PCDHA7: variants seen among roughly 807,000 people sequenced by gnomAD.
PCDHA7 encodes the protein protocadherin alpha-7.
Under a neutral mutation model 57.2 loss-of-function variants are expected in PCDHA7, and 37 were observed. The ratio of observed to expected loss-of-function variants is 0.65; its 90% CI spans 0.50 to 0.85. The LOEUF is 0.85. PCDHA7 is among the 40% of genes least tolerant of loss of function. The pLI is 0.00. For synonymous variants in PCDHA7, 553 were observed against 558.8 expected, an observed-to-expected ratio of 0.99 and a Z score of 0.15; for missense variants, 1,188 against 1,241.8, an observed-to-expected ratio of 0.96 and a Z score of 0.65.
At chr5:140,902,324 C>A (rs1554190388) in intron 1 of PCDHA7, among the ~76,000 whole-genome samples, 1 of 151,472 alleles carries the variant, frequency 6.6e-6, no homozygotes, top group Non-Finnish European at 1.5e-5. Context: ...AGGTGTAACT[C>A]ACTTCGCCTG....
intron 1 of PCDHA7, chr5:140,883,930 C>A: frequency 2.5e-6 from 4 of 1,613,066 alleles, no homozygotes; most frequent in Non-Finnish European, 3.4e-6. Flanking sequence ...TGCAGGTGTT[C>A]GTGCTGGACG....
intron 1 of PCDHA7, among the ~76,000 whole-genome samples, chr5:140,910,560 G>A (rs1369178001): frequency 6.6e-6 from 1 of 152,160 alleles, no homozygotes; most frequent in East Asian, 1.9e-4. Flanking sequence ...ATTAGTCAAG[G>A]ATATATTTTC....
chr5:140,864,460 T>C (rs2048484111), intron 1 of PCDHA7: 1 of 152,246 alleles, frequency 6.6e-6, no homozygotes, highest in African/African-American at 2.4e-5. Flanking sequence ...AATATCCATC[T>C]TTTTTGAGAT....
chr5:140,871,140 C>A, intron 1 of PCDHA7: 1 of 1,613,454 alleles, frequency 6.2e-7, no homozygotes, highest in Non-Finnish European at 8.5e-7. Context: ...AGGCCTCTTC[C>A]CGGACTTTGG....
rs2150471701 is a variant in PCDHA7, at chr5:140,850,183, C to T, written c.2355+13445C>T. On this transcript the variant is annotated intron_variant, in intron 1 of 3. Transcript: ENST00000525929. ...GTGCTGGACGAGAACGACAATGCGC[C>T]GGCGCTGCTGACACCTCGGATGAGG... The T allele has an allele frequency of 1.9e-6, 3 of 1,593,774 alleles. 1 individual carries two copies. Among genetic ancestry groups the T allele is most frequent in the Non-Finnish European group, 1.7e-6 (2 of 1,167,724 alleles).
intron 1 of PCDHA7, among the ~76,000 whole-genome samples, chr5:140,872,191 T>A (rs1168972133): frequency 1.3e-5 from 2 of 152,162 alleles, no homozygotes; most frequent in Non-Finnish European, 1.5e-5. Flanking sequence ...GTGTTAAACG[T>A]TCATCATAAA....
At chr5:140,967,942 A>G in intron 1 of PCDHA7, 1 of 1,614,226 alleles carries the variant, frequency 6.2e-7, no homozygotes, top group Non-Finnish European at 8.5e-7. Context: ...TCAATGACCA[A>G]GACTCAGGCC....
intron 1 of PCDHA7, among the ~76,000 whole-genome samples, chr5:140,935,364 G>A (rs1480423579): frequency 2.0e-5 from 3 of 152,008 alleles, no homozygotes; most frequent in African/African-American, 4.8e-5. Flanking sequence ...TTTCATTAAC[G>A]TCAACAGAAT....
Position 140,974,586 on chromosome 5 carries a change from A to G in PCDHA7, c.2356-4363A>G, listed in dbSNP as rs150396044. Among the ~76,000 whole-genome samples, 599 of 152,220 alleles carry G rather than the reference A, an allele frequency of 3.9e-3. 3 individuals carry two copies. Among genetic ancestry groups the G allele is most frequent in the African/African-American group, 0.014 (565 of 41,540 alleles). On this transcript the variant is annotated intron_variant, in intron 1 of 3. Transcript: ENST00000525929. The stretch of plus-strand genomic sequence containing the variant: ...GAGTGCAATGGCATGATCTTGGCTC[A>G]CTGCAACCTCTGCCTCCAGGGTTCA...
At chr5:140,876,750 T>C (rs2056553251) in intron 1 of PCDHA7, 7 of 1,614,238 alleles carry the variant, frequency 4.3e-6, no homozygotes, top group African/African-American at 1.3e-5. Flanking sequence ...TGGTGGTGAC[T>C]GCGCGGGATG....
chr5:140,930,768 C>G (rs1049798577), intron 1 of PCDHA7, among the ~76,000 whole-genome samples: 2 of 152,094 alleles, frequency 1.3e-5, no homozygotes, highest in South Asian at 2.1e-4. Context: ...ATTTTCTGTA[C>G]TTAATATTTT....
intron 1 of PCDHA7, chr5:140,870,150 C>T (rs2051709522): frequency 6.2e-7 from 1 of 1,614,098 alleles, no homozygotes; most frequent in Non-Finnish European, 8.5e-7. Context: ...CTCCTGAAGT[C>T]GCCGTGACTT....
intron 1 of PCDHA7, among the ~76,000 whole-genome samples, chr5:140,899,881 C>G (rs1334700648): frequency 6.6e-6 from 1 of 152,146 alleles, no homozygotes; most frequent in Non-Finnish European, 1.5e-5. Context: ...TAACAGAACT[C>G]AGTGCAGCCT....
intron 1 of PCDHA7, chr5:140,853,930 A>G: frequency 1.1e-6 from 1 of 887,870 alleles, no homozygotes; most frequent in Non-Finnish European, 1.4e-6. Flanking sequence ...ACATTTTGGG[A>G]GGCCAAGGTG....
intron 1 of PCDHA7, chr5:140,877,291 C>T (rs527823173): frequency 6.2e-7 from 1 of 1,613,932 alleles, no homozygotes; most frequent in Non-Finnish European, 8.5e-7. Context: ...TAACGCTTGG[C>T]TGTCCTACGA....
At chr5:140,955,407 C>T (rs1453424058) in intron 1 of PCDHA7, among the ~76,000 whole-genome samples, 1 of 152,098 alleles carries the variant, frequency 6.6e-6, no homozygotes, top group African/African-American at 2.4e-5. Flanking sequence ...ATACAGTTCT[C>T]ATGATAGTGA....
intron 1 of PCDHA7, among the ~76,000 whole-genome samples, chr5:140,886,239 TAAATA>T (rs2060905359): frequency 6.6e-6 from 1 of 152,062 alleles, no homozygotes; most frequent in African/African-American, 2.4e-5. Context: ...ACTTCAGAAA[TAAATA>T]AAAGTATCTC....
At chr5:140,882,982 C>A (rs139888237) in intron 1 of PCDHA7, 2 of 1,614,148 alleles carry the variant, frequency 1.2e-6, no homozygotes, top group South Asian at 1.1e-5. Flanking sequence ...TGAATGACAA[C>A]GCCCCGGAAT....
At chr5:140,901,278 A>AT (rs1554189713) in intron 1 of PCDHA7, among the ~76,000 whole-genome samples, 2 of 152,102 alleles carry the variant, frequency 1.3e-5, no homozygotes, top group Non-Finnish European at 2.9e-5. Context: ...TACTCAAGAA[A>AT]TTTTTGCCCA....
Sources: allele counts gnomAD v4.1 joint callset (sites outside exome capture counted in the v4.1 genomes callset), GRCh38; gene constraint gnomAD v4.1.1; transcripts MANE v1.5; gene names NCBI Gene and HGNC (gene_info 2026-07-23, HGNC 2026-07-21).